POLE2: variants seen among roughly 807,000 people sequenced by gnomAD.
POLE2 encodes the protein DNA polymerase epsilon subunit 2.
Under a neutral mutation model 79.4 loss-of-function variants are expected in POLE2, and 56 were observed. That is an observed-to-expected ratio of 0.71 (90% CI 0.57 to 0.88). POLE2 has a LOEUF of 0.88. Among genes scored for constraint, POLE2 ranks in the 40% least tolerant of loss-of-function variants. The probability of loss-of-function intolerance (pLI) is 0.00; values close to 1 mark genes in which losing one functional copy is unlikely to be tolerated. For missense variants in POLE2, 598 were observed against 638.9 expected (o/e 0.94, Z 0.69); for synonymous variants, 212 against 214.0 (o/e 0.99, Z 0.08).
At position 49,646,302 on chromosome 14, in the gene POLE2, G is replaced by GTTTTTTTTTTTTTTT. The variant is rs1162033821; in HGVS notation, c.1565+976_1565+990dup. 3.4e-4 allele frequency among the ~76,000 whole-genome samples: 29 copies of GTTTTTTTTTTTTTTT among 84,566 alleles called. 2 individuals are homozygous for GTTTTTTTTTTTTTTT. The highest frequency in any genetic ancestry group is 1.8e-3 in the East Asian group (3 of 1,634). 55.5% of individuals were successfully genotyped at this position (84,566 alleles called of 152,430 possible). A position where few individuals can be genotyped will look rare whatever the true frequency, so the allele number is the denominator to read the frequency against. On this transcript the variant is annotated intron_variant, in intron 18 of 18. Coordinates refer to ENST00000216367, the MANE Select transcript of POLE2 (RefSeq NM_002692.4). ...GATTTGGTCAGTTGTTTTTTTGTTG[G>GTTTTTTTTTTTTTTT]TTTTTTTTTTTTTTTTTTTTTTTTT...
rs1353969281 is a variant in POLE2 at position 49,672,536 on chromosome 14, G to A, written c.417+1587C>T. ...TTTTTTGAGACGGAGTTTCGCTCTT[G>A]TTGCCCAGGCTGGAGTGCAATGGCG... On this transcript the variant is annotated intron_variant, in intron 5 of 18. Transcript: ENST00000216367. 8.4e-5 allele frequency among the ~76,000 whole-genome samples: 12 copies of A among 142,094 alleles called. No individual in the cohort carries two copies. In the South Asian group the frequency reaches 2.4e-3, roughly 29 times the overall value. 93.2% of individuals were successfully genotyped at this position (142,094 alleles called of 152,430 possible).
At position 49,674,164 on chromosome 14, in the gene POLE2, T is replaced by C; in HGVS notation, c.376A>G (p.Lys126Glu). The C allele has an allele frequency of 6.2e-7, 1 of 1,613,774 alleles. No homozygotes were observed. The highest frequency in any genetic ancestry group is 1.1e-5 in the South Asian group (1 of 91,078). ...APNLFGTPRDKAEMFRERYTI... is the reference protein window; with the variant it reads ...APNLFGTPRDEAEMFRERYTI... The stretch of plus-strand genomic sequence containing the variant: ...TATCGCTCACGAAACATCTCTGCTT[T>C]ATCTCTTGGTGTTCCAAATAAATTT... Residue 126 changes from lysine (K) to glutamate (E), a missense_variant, in exon 5 of 19, where the codon AAA (lysine) becomes GAA (glutamate). Coordinates refer to ENST00000216367, the MANE Select transcript of POLE2 (RefSeq NM_002692.4).
chr14:49,665,390 C>A (rs1432839602), intron 7 of POLE2, among the ~76,000 whole-genome samples: 3 of 152,168 alleles, frequency 2.0e-5, no homozygotes, highest in African/African-American at 7.2e-5. Flanking sequence ...ATGACTCCTA[C>A]AGATAAGAAA....
intron 2 of POLE2, among the ~76,000 whole-genome samples, chr14:49,680,389 A>G (rs1277260074): frequency 6.6e-6 from 1 of 152,202 alleles, no homozygotes; most frequent in Non-Finnish European, 1.5e-5. Flanking sequence ...CCCAGTTTTA[A>G]TAAGGTTACA....
chr14:49,676,388 GA>G (rs1165427021), intron 3 of POLE2, among the ~76,000 whole-genome samples: 1 of 152,146 alleles, frequency 6.6e-6, no homozygotes, highest in Non-Finnish European at 1.5e-5. Context: ...TGAACTTGAG[GA>G]AAACCTAGAC....
At chr14:49,644,857 A>G (rs1883645679) in intron 18 of POLE2, among the ~76,000 whole-genome samples, 1 of 152,064 alleles carries the variant, frequency 6.6e-6, no homozygotes, top group East Asian at 1.9e-4. Context: ...CCTGGCCAAC[A>G]TGGTGAAACT....
chr14:49,667,209 A>C (rs1566552149), intron 6 of POLE2, among the ~76,000 whole-genome samples: 1 of 151,008 alleles, frequency 6.6e-6, no homozygotes, highest in African/African-American at 2.4e-5. Context: ...AAAAACAAAA[A>C]ACTTTCCATC....
At chr14:49,682,640 G>GAAAAA (rs35984833) in intron 2 of POLE2, among the ~76,000 whole-genome samples, 3 of 60,980 alleles carry the variant, frequency 4.9e-5, no homozygotes, top group African/African-American at 1.1e-4. Flanking sequence ...CCTTCTCAGG[G>GAAAAA]AAAAAAAAAA....
chr14:49,650,254 T>C lies in POLE2; in HGVS notation c.1497+11A>G. On this transcript the variant is annotated intron_variant, in intron 17 of 18. Coordinates refer to ENST00000216367, the MANE Select transcript of POLE2 (RefSeq NM_002692.4). ...TAAATAATGACTATATAAGATTAACTACATTCTTACAGGGTTTATGCAGAG... is the reference window on the plus strand; with the variant it reads ...TAAATAATGACTATATAAGATTAACCACATTCTTACAGGGTTTATGCAGAG... The C allele has an allele frequency of 6.8e-7, 1 of 1,474,994 alleles. No homozygotes were observed. The highest frequency in any genetic ancestry group is 9.3e-7 in the Non-Finnish European group (1 of 1,079,928). 91.4% of individuals were successfully genotyped at this position (1,474,994 alleles called of 1,614,324 possible).
At chr14:49,680,142 G>C (rs534929262) in intron 2 of POLE2, among the ~76,000 whole-genome samples, 2 of 152,194 alleles carry the variant, frequency 1.3e-5, no homozygotes, top group Non-Finnish European at 1.5e-5. Context: ...TCGAGCCCAG[G>C]AGTTTGAGAC....
rs1316423602 is a variant in POLE2, at chr14:49,664,224, C to T, written c.682+402G>A. On this transcript the variant is annotated intron_variant, in intron 9 of 18. Transcript: ENST00000216367. ...ATTAGCTAGGCATGGTGGCATGCGC[C>T]TATAATCTCAGCTACTCGGAAGGCT... Among the ~76,000 whole-genome samples the T allele has an allele frequency of 2.0e-5, 3 of 151,202 alleles. No homozygotes were observed. In the East Asian group the frequency reaches 5.8e-4, roughly 29 times the overall value.
intron 17 of POLE2, among the ~76,000 whole-genome samples, chr14:49,648,229 C>T (rs1566525340): frequency 6.6e-6 from 1 of 152,142 alleles, no homozygotes; most frequent in Non-Finnish European, 1.5e-5. Flanking sequence ...CCCCAAGCAC[C>T]GAACCCAACA....
chr14:49,645,577 G>A (rs1883704117), intron 18 of POLE2, among the ~76,000 whole-genome samples: 1 of 152,230 alleles, frequency 6.6e-6, no homozygotes, highest in Admixed American at 6.5e-5. Context: ...GGCCACAGCA[G>A]ATAAAGGAAG....
rs143942881 is a variant in POLE2 at position 49,654,814 on chromosome 14, A to G, written c.1043T>C (p.Ile348Thr). 4.1e-4 allele frequency: 613 copies of G among 1,489,656 alleles called. 4 individuals carry two copies. The African/African-American group carries it at 7.7e-3, about 19-fold the overall frequency. 92.3% of individuals were successfully genotyped at this position (1,489,656 alleles called of 1,614,324 possible). A position where few individuals can be genotyped will look rare whatever the true frequency, so the allele number is the denominator to read the frequency against. Residue 348 changes from isoleucine (I) to threonine (T), a missense_variant, in exon 13 of 19, where the codon ATA becomes ACA. Ile to Thr is a moderately conservative substitution (Grantham distance 89, BLOSUM62 -1). Transcript: ENST00000216367. ...GTGAATATCTGGGTATTCACATATT[A>G]TATCTGCCAAAGTTTTTAGGGAATC... The part of the protein sequence containing the change: ...LKDSLKTLAD[I>T]ICEYPDIHQS...
intron 5 of POLE2, among the ~76,000 whole-genome samples, chr14:49,671,837 C>G (rs964226775): frequency 2.0e-5 from 3 of 151,820 alleles, no homozygotes; most frequent in Non-Finnish European, 2.9e-5. Context: ...GCCTATAATC[C>G]CAGCTACTTG....
At chr14:49,662,498 T>C (rs1885166965) in intron 10 of POLE2, among the ~76,000 whole-genome samples, 1 of 152,198 alleles carries the variant, frequency 6.6e-6, no homozygotes, top group African/African-American at 2.4e-5. Flanking sequence ...GGTGGCAAAC[T>C]CAAATGCTTA....
At chr14:49,654,097 A>G in intron 14 of POLE2, 30 bp from the exon 15 acceptor site, 1 of 1,586,142 alleles carries the variant, frequency 6.3e-7, no homozygotes, top group Non-Finnish European at 8.6e-7. Flanking sequence ...GATATAGTTT[A>G]TCTTTTTAAG....
At position 49,663,325 on chromosome 14, in the gene POLE2, T is replaced by C. The variant is rs780329890; in HGVS notation, c.745A>G (p.Ser249Gly). The C allele has an allele frequency of 3.8e-6, 6 of 1,597,118 alleles. No homozygotes were observed. The highest frequency in any genetic ancestry group is 5.1e-6 in the Non-Finnish European group (6 of 1,166,680). The change falls in exon 10 of 19, where the codon AGT becomes GGT. Residue 249 changes from serine (S) to glycine (G), a missense_variant. Ser to Gly is a moderately conservative substitution (Grantham distance 56, BLOSUM62 0). Coordinates refer to ENST00000216367, the MANE Select transcript of POLE2 (RefSeq NM_002692.4). Reference protein sequence around the residue: ...AFGFPPTEPSSTTRAYYGNIN... With the variant: ...AFGFPPTEPSGTTRAYYGNIN... ...CAAACATTTTAATACCTAGTAGTACTAGAGGGCTCAGTGGGTGGAAATCCA... is the reference window on the plus strand; with the variant it reads ...CAAACATTTTAATACCTAGTAGTACCAGAGGGCTCAGTGGGTGGAAATCCA...
chr14:49,677,492 C>T (rs1886367174), intron 3 of POLE2: 6 of 486,438 alleles, frequency 1.2e-5, no homozygotes, highest in Non-Finnish European at 2.3e-5. Context: ...TGCCATGAAT[C>T]AAGCATGCCT....
Sources: gnomAD v4.1 joint callset for allele counts (sites outside exome capture counted in the v4.1 genomes callset) on GRCh38, gnomAD v4.1.1 for gene constraint, MANE v1.5 for transcripts, NCBI Gene and HGNC (gene_info 2026-07-23, HGNC 2026-07-21) for gene names.